ABCC12: variants seen among roughly 807,000 people sequenced by gnomAD.
ABCC12 encodes ATP-binding cassette sub-family C member 12.
ABCC12 carries 142 observed loss-of-function variants against 151.1 expected under a neutral mutation model. The observed-to-expected ratio is 0.94, with a 90% confidence interval of 0.82 to 1.08. The LOEUF is 1.08. Ranked by LOEUF, ABCC12 falls within the 50% of genes least tolerant of loss-of-function variation. ABCC12 has a pLI of 0.00. For synonymous variants in ABCC12, 645 were observed against 646.4 expected, an observed-to-expected ratio of 1.00 and a Z score of 0.03; for missense variants, 1,638 against 1,691.1, an observed-to-expected ratio of 0.97 and a Z score of 0.55.
At position 48,107,404 on chromosome 16, in the gene ABCC12, G is replaced by C. The variant is rs143162880; in HGVS notation, c.2393C>G (p.Thr798Ser). 4 of 1,614,082 alleles carry C rather than the reference G, an allele frequency of 2.5e-6. No homozygotes were observed. The African/African-American group carries it at 4.0e-5, about 16-fold the overall frequency. The change falls in exon 20 of 31, where the codon ACT becomes AGT. Residue 798 changes from threonine (T) to serine (S), a missense_variant. Thr to Ser is a moderately conservative substitution (Grantham distance 58). Coordinates refer to ENST00000311303, the MANE Select transcript of ABCC12 (RefSeq NM_001393797.1). ...ASGGYLLSLF[T>S]VFLFLLMIGS... ...AATCATCAGGAGGAAGAGGAACACA[G>C]TGAAGAGAGAAAGGAGGTACCCTGC...
intron 23 of ABCC12, among the ~76,000 whole-genome samples, chr16:48,100,496 A>T (rs145591891): frequency 1.8e-3 from 272 of 152,346 alleles, no homozygotes; most frequent in African/African-American, 6.4e-3. Context: ...CATGAATAGA[A>T]AAAAAGAACA....
rs554463726 is a variant in ABCC12, at chr16:48,092,142, G to A, written c.3196-933C>T. Among the ~76,000 whole-genome samples, 5 of 152,314 alleles carry A rather than the reference G, an allele frequency of 3.3e-5. No homozygotes were observed. In the South Asian group the frequency reaches 6.2e-4, roughly 19 times the overall value. ...CTGGCCCTGCCAACACCTTGAGTGC[G>A]GGCATCTGACTCCACAACAGTGAAA... is the stretch of plus-strand genomic sequence containing the variant. On this transcript the variant is annotated intron_variant, in intron 24 of 30. Transcript: ENST00000311303.
At position 48,130,913 on chromosome 16, in the gene ABCC12, A is replaced by G; in HGVS notation, c.1129-18T>C. ...CTAAATGCCTGAAGAACAAAAGAGAAGTATGAGGGTTTAGAAGGAGAAGTC... is the reference window on the plus strand; with the variant it reads ...CTAAATGCCTGAAGAACAAAAGAGAGGTATGAGGGTTTAGAAGGAGAAGTC... On this transcript the variant is annotated intron_variant, in intron 9 of 30. Transcript: ENST00000311303. 6.4e-7 allele frequency: 1 copy of G among 1,572,758 alleles called. No individual in the cohort carries two copies. The highest frequency in any genetic ancestry group is 1.1e-5 in the South Asian group (1 of 90,078).
At chr16:48,117,206 T>C (rs1430414667) in intron 14 of ABCC12, 55 bp downstream of exon 14, 2 of 1,534,130 alleles carry the variant, frequency 1.3e-6, no homozygotes, top group Non-Finnish European at 1.8e-6. Context: ...CCTTTGGACC[T>C]GAGCAAATGT....
intron 2 of ABCC12, among the ~76,000 whole-genome samples, chr16:48,148,270 C>T (rs1251131607): frequency 6.7e-6 from 1 of 150,172 alleles, no homozygotes; most frequent in Non-Finnish European, 1.5e-5. Flanking sequence ...CAGGATCTCA[C>T]TCTGTCGCCA....
chr16:48,124,312 G>A, intron 11 of ABCC12, 28 bp from the exon 12 acceptor site: 1 of 1,606,602 alleles, frequency 6.2e-7, no homozygotes, highest in Non-Finnish European at 8.5e-7. Flanking sequence ...ATGGGACACA[G>A]TCACTCTCTC....
chr16:48,120,144 C>T (rs1378004272), intron 13 of ABCC12, among the ~76,000 whole-genome samples: 3 of 151,958 alleles, frequency 2.0e-5, no homozygotes, highest in African/African-American at 4.8e-5. Flanking sequence ...ACTATGCAGC[C>T]GTAAAAAAGA....
At chr16:48,138,784 T>C (rs1049588877) in intron 7 of ABCC12, among the ~76,000 whole-genome samples, 1 of 151,400 alleles carries the variant, frequency 6.6e-6, no homozygotes, top group African/African-American at 2.4e-5. Context: ...CTGGACAACA[T>C]AGCGAGACCC....
intron 2 of ABCC12, among the ~76,000 whole-genome samples, chr16:48,152,481 G>C (rs1965130069): frequency 6.6e-6 from 1 of 152,190 alleles, no homozygotes; most frequent in East Asian, 1.9e-4. Flanking sequence ...CCTCCCAGTG[G>C]CCGCTGGGCC....
chr16:48,106,531 G>T (rs554408106), intron 20 of ABCC12, among the ~76,000 whole-genome samples: 1 of 152,372 alleles, frequency 6.6e-6, no homozygotes, highest in South Asian at 2.1e-4. Context: ...CTCTTCGTGA[G>T]TGAGGGGGGA....
Position 48,139,183 on chromosome 16 carries a change from C to T in ABCC12, c.811G>A (p.Val271Ile). ...GTTACCTGGACGGGTATGAATATGACATACACTGATATCCCGATGAGAGCT... is the reference window on the plus strand; with the variant it reads ...GTTACCTGGACGGGTATGAATATGATATACACTGATATCCCGATGAGAGCT... Reference protein sequence around the residue: ...PTALIGISVYVIFIPVQMFMA... With the variant: ...PTALIGISVYIIFIPVQMFMA... Residue 271 changes from valine to isoleucine, a missense_variant, in exon 7 of 31, where the codon GTC becomes ATC. By Grantham distance (29) the Val-to-Ile change is conservative. Coordinates refer to ENST00000311303, the MANE Select transcript of ABCC12 (RefSeq NM_001393797.1). The T allele has an allele frequency of 6.2e-7, 1 of 1,610,158 alleles. No individual in the cohort carries two copies. The highest frequency in any genetic ancestry group is 8.5e-7 in the Non-Finnish European group (1 of 1,179,032).
Position 48,111,918 on chromosome 16 carries a change from A to G in ABCC12, c.1990-8T>C. The stretch of plus-strand genomic sequence containing the variant: ...ATCACAAGACTCTAAGAACTGCAGA[A>G]GTAAGTGATCGACAATGAACTTCTG... On this transcript the variant is annotated splice_polypyrimidine_tract_variant and splice_region_variant and intron_variant, in intron 15 of 30. Coordinates refer to ENST00000311303, the MANE Select transcript of ABCC12 (RefSeq NM_001393797.1). The G allele has an allele frequency of 6.2e-7, 1 of 1,612,882 alleles. No individual in the cohort carries two copies. Among genetic ancestry groups the G allele is most frequent in the Non-Finnish European group, 8.5e-7 (1 of 1,179,420 alleles).
In ABCC12 at chr16:48,140,766, C is replaced by A. The variant is rs202124672; in HGVS notation, c.578G>T (p.Arg193Leu). The change falls in exon 6 of 31, where the codon CGG becomes CTG. Residue 193 changes from arginine (R) to leucine (L), a missense_variant. By Grantham distance (102) the Arg-to-Leu change is moderately radical. Transcript: ENST00000311303. ...AWAINYRTAI[R>L]LKVALSTLVF... is the part of the protein sequence containing the mutation. ...CAAGGTGGAGAGCGCCACCTTCAAC[C>A]GGATGGCCGTGCGGTAGTTGATGGC... The A allele has an allele frequency of 6.2e-7, 1 of 1,614,148 alleles. No individual in the cohort carries two copies. Among genetic ancestry groups the A allele is most frequent in the East Asian group, 2.2e-5 (1 of 44,870 alleles).
chr16:48,093,670 T>C (rs1405704738), intron 24 of ABCC12, among the ~76,000 whole-genome samples: 1 of 152,146 alleles, frequency 6.6e-6, no homozygotes, highest in Non-Finnish European at 1.5e-5. Context: ...TCATGGTGGG[T>C]GCTCAGGGGA....
At position 48,083,602 on chromosome 16, in the gene ABCC12, G is replaced by T; in HGVS notation, c.*113C>A. 1 of 1,048,532 alleles carries T rather than the reference G, an allele frequency of 9.5e-7. No homozygotes were observed. Among genetic ancestry groups the T allele is most frequent in the Non-Finnish European group, 1.4e-6 (1 of 706,382 alleles). The allele number at this position is 1,048,532 out of a possible 1,614,324, so 65.0% of individuals were successfully genotyped here. A position where few individuals can be genotyped will look rare whatever the true frequency, so the allele number is the denominator to read the frequency against. ...TTCAGCCCCAGCTCACTCCGTGGAT[G>T]GGAGGGGCTGAAGACCAGGGCTGCC... On this transcript the variant is annotated 3_prime_UTR_variant, in exon 31 of 31. Transcript: ENST00000311303.
At chr16:48,087,759 TG>T in intron 27 of ABCC12, 166 bp downstream of exon 27, 1 of 669,892 alleles carries the variant, frequency 1.5e-6, no homozygotes. Flanking sequence ...CTCCCAAGGC[TG>T]GATGCAGAAA....
intron 18 of ABCC12, among the ~76,000 whole-genome samples, chr16:48,110,553 AG>A (rs1385411056): frequency 6.6e-6 from 1 of 152,170 alleles, no homozygotes; most frequent in Non-Finnish European, 1.5e-5. Flanking sequence ...GAATGAAGGC[AG>A]GGTGTCTATG....
chr16:48,111,693 C>G, intron 16 of ABCC12, 31 bp from the exon 17 acceptor site: 1 of 1,614,054 alleles, frequency 6.2e-7, no homozygotes, highest in Non-Finnish European at 8.5e-7. Flanking sequence ...CTTCTGAATG[C>G]TAAGTGACAG....
intron 13 of ABCC12, chr16:48,121,439 G>C (rs879337067): frequency 5.8e-6 from 2 of 345,092 alleles, no homozygotes; most frequent in Non-Finnish European, 1.1e-5. Context: ...CATATGCCCT[G>C]TTGCAGAGAA....
Sources: allele counts gnomAD v4.1 joint callset (sites outside exome capture counted in the v4.1 genomes callset), GRCh38; gene constraint gnomAD v4.1.1; transcripts MANE v1.5; gene names NCBI Gene and HGNC (gene_info 2026-07-23, HGNC 2026-07-21).